Variants in PTPN18 observed in about 807,000 individuals in gnomAD.
PTPN18 encodes tyrosine-protein phosphatase non-receptor type 18.
Under a neutral mutation model 65.4 loss-of-function variants are expected in PTPN18, and 65 were observed. The ratio of observed to expected loss-of-function variants is 0.99; its 90% CI spans 0.81 to 1.22. The LOEUF (loss-of-function observed/expected upper bound fraction) is 1.22. PTPN18 is among the 50% of genes most tolerant of loss of function. PTPN18 has a pLI of 0.00. For synonymous variants in PTPN18, 255 were observed against 267.8 expected (o/e 0.95, Z 0.47); for missense variants, 616 against 646.5 (o/e 0.95, Z 0.51).
intron 5 of PTPN18, among the ~76,000 whole-genome samples, chr2:130,365,844 G>A (rs961739507): frequency 6.6e-6 from 1 of 152,170 alleles, no homozygotes; most frequent in African/African-American, 2.4e-5. Context: ...CCATTGAACC[G>A]TCTTGGCCCC....
At chr2:130,370,314 C>A in intron 8 of PTPN18, 124 bp downstream of exon 8, 1 of 1,410,666 alleles carries the variant, frequency 7.1e-7, no homozygotes, top group South Asian at 1.3e-5. Context: ...GCTCACCCTC[C>A]ATGGACTGTA....
In PTPN18 at chr2:130,372,239, G is replaced by A; in HGVS notation, c.1014-18G>A. The stretch of plus-strand genomic sequence containing the variant: ...CAGCGCCGCCGTTTCACTTCCTCCC[G>A]GCCCTCCCTGCCTGCAGGAGCATCT... On this transcript the variant is annotated intron_variant, in intron 12 of 14. Transcript: ENST00000175756. 1.3e-6 allele frequency: 2 copies of A among 1,566,370 alleles called. No homozygotes were observed. Among genetic ancestry groups the A allele is most frequent in the Non-Finnish European group, 1.7e-6 (2 of 1,164,612 alleles).
intron 5 of PTPN18, among the ~76,000 whole-genome samples, chr2:130,363,019 C>G (rs1488156821): frequency 6.6e-6 from 1 of 151,336 alleles, no homozygotes; most frequent in Non-Finnish European, 1.5e-5. Flanking sequence ...CGGGGTTTCA[C>G]CGTGTTAGCC....
chr2:130,371,333 C>G lies in PTPN18; in HGVS notation c.1013+46C>G, dbSNP rs200975921. The G allele has an allele frequency of 4.8e-6, 7 of 1,452,162 alleles. No individual in the cohort carries two copies. The East Asian group carries it at 1.1e-4, about 24-fold the overall frequency. The allele number at this position is 1,452,162 out of a possible 1,614,324, so 90.0% of individuals were successfully genotyped here. On this transcript the variant is annotated intron_variant, in intron 12 of 14. Transcript: ENST00000175756. The stretch of plus-strand genomic sequence containing the variant: ...ATTCTTCCCTGCCCAATTTCTCAGG[C>G]TAACCCCTTCTTCATCCTTGGAACA...
intron 1 of PTPN18, chr2:130,356,734 G>A (rs1679985304): frequency 2.3e-6 from 1 of 430,988 alleles, no homozygotes; most frequent in African/African-American, 2.0e-5. Flanking sequence ...CCATCCGCGT[G>A]TGGTCCAGGC....
In PTPN18 at chr2:130,370,901, G is replaced by T; in HGVS notation, c.861G>T (p.Thr287=). The T allele has an allele frequency of 6.2e-7, 1 of 1,614,024 alleles. No homozygotes were observed. The highest frequency in any genetic ancestry group is 8.5e-7 in the Non-Finnish European group (1 of 1,180,004). The change falls in exon 11 of 15, where the codon ACG becomes ACT. Residue 287 remains threonine, a synonymous_variant. Coordinates refer to ENST00000175756, the MANE Select transcript of PTPN18 (RefSeq NM_014369.4). ...TEEQYRFLYH[T]VAQMFCSTLQ... Reference sequence around the variant, plus strand: ...AGCAGTACAGGTTCCTGTACCACACGGTGGCTCAGATGTTCTGCTCCACAC... The same window carrying T: ...AGCAGTACAGGTTCCTGTACCACACTGTGGCTCAGATGTTCTGCTCCACAC...
chr2:130,359,579 C>T (rs1435497376), intron 4 of PTPN18, 29 bp from the exon 5 acceptor site: 2 of 1,613,816 alleles, frequency 1.2e-6, no homozygotes, highest in Admixed American at 3.3e-5. Flanking sequence ...CCCAAATCAC[C>T]TTCCTCTCCC....
intron 5 of PTPN18, among the ~76,000 whole-genome samples, chr2:130,361,532 T>TTCTTTCTTTC (rs1680202031): frequency 7.0e-6 from 1 of 143,260 alleles, no homozygotes; most frequent in African/African-American, 2.7e-5. Context: ...CTTTCTTTCT[T>TTCTTTCTTTC]TCTTTCTTTC....
At chr2:130,358,704 C>T (rs1002645128) in intron 1 of PTPN18, among the ~76,000 whole-genome samples, 163 bp from the exon 2 acceptor site, 5 of 152,126 alleles carry the variant, frequency 3.3e-5, no homozygotes, top group Non-Finnish European at 4.4e-5. Flanking sequence ...GTCACTATTT[C>T]GGTATCATTA....
At position 130,369,222 on chromosome 2, in the gene PTPN18, AGGAAGATTCCCAGGGT is replaced by A. The variant is rs767983214; in HGVS notation, c.483+26_483+41del. Reference sequence around the variant, plus strand: ...CTCTGGTGAGCTGTGGGAGTTTTCAAGGAAGATTCCCAGGGTGGAAAGGCTTTGGGTTGGGCCTAAA... The same window carrying A: ...CTCTGGTGAGCTGTGGGAGTTTTCAAGGAAAGGCTTTGGGTTGGGCCTAAA... On this transcript the variant is annotated intron_variant, in intron 6 of 14. Coordinates refer to ENST00000175756, the MANE Select transcript of PTPN18 (RefSeq NM_014369.4). 110 of 1,602,634 alleles carry A rather than the reference AGGAAGATTCCCAGGGT, an allele frequency of 6.9e-5. 1 individual carries two copies. Among genetic ancestry groups the A allele is most frequent in the Non-Finnish European group, 1.2e-5 (14 of 1,170,200 alleles).
rs1680479841 is a variant in PTPN18, at chr2:130,369,378, A to G, written c.483+177A>G. Among the ~76,000 whole-genome samples the G allele has an allele frequency of 2.6e-5, 4 of 152,222 alleles. No individual in the cohort carries two copies. The South Asian group carries it at 6.2e-4, about 24-fold the overall frequency. On this transcript the variant is annotated intron_variant, in intron 6 of 14. Transcript: ENST00000175756. ...GCCTTTGCATTTTTATTTTGGCTAC[A>G]ATCAGTTAATCTCTGTCATGTAAAT...
intron 13 of PTPN18, 161 bp downstream of exon 13, chr2:130,372,644 G>T: frequency 9.3e-7 from 1 of 1,075,024 alleles, no homozygotes; most frequent in South Asian, 1.7e-5. Flanking sequence ...GCCACGCCCC[G>T]GAAGCGCCCC....
Position 130,358,851 on chromosome 2 carries a change from C to T in PTPN18, c.94-16C>T, listed in dbSNP as rs754669176. On this transcript the variant is annotated splice_polypyrimidine_tract_variant and intron_variant, in intron 1 of 14. Transcript: ENST00000175756. Reference sequence around the variant, plus strand: ...TGTCTTCTCCCCTCCCTGACCCACTCATAATGCTCTACCAGGACATCCAGG... The same window carrying T: ...TGTCTTCTCCCCTCCCTGACCCACTTATAATGCTCTACCAGGACATCCAGG... 9 of 1,601,920 alleles carry T rather than the reference C, an allele frequency of 5.6e-6. No individual in the cohort carries two copies. Among genetic ancestry groups the T allele is most frequent in the South Asian group, 1.1e-5 (1 of 90,588 alleles).
At chr2:130,362,169 C>T (rs917754101) in intron 5 of PTPN18, 11 of 470,052 alleles carry the variant, frequency 2.3e-5, no homozygotes, top group Non-Finnish European at 4.0e-5. Flanking sequence ...TTAAGTCTCA[C>T]GTATAATCCA....
At chr2:130,358,566 C>T (rs1275604740) in intron 1 of PTPN18, among the ~76,000 whole-genome samples, 1 of 152,114 alleles carries the variant, frequency 6.6e-6, no homozygotes, top group Non-Finnish European at 1.5e-5. Context: ...CCACAAGTCG[C>T]TGAACCACGT....
chr2:130,372,291 A>G lies in PTPN18; in HGVS notation c.1048A>G (p.Met350Val). ...ISVPGSPGHAMADTYAVVQKR... is the reference protein window; with the variant it reads ...ISVPGSPGHAVADTYAVVQKR... ...TGTGCCCGGGTCCCCGGGCCACGCC[A>G]TGGCTGACACCTACGCGGTGGTGCA... Residue 350 changes from methionine (M) to valine (V), a missense_variant, in exon 13 of 15, where the codon ATG (methionine) becomes GTG (valine). Physicochemically the swap from Met to Val is conservative, Grantham distance 21 (BLOSUM62 1). This residue lies in a region of PTPN18 where 368 missense variants were observed against 386.7 expected (regional missense o/e 0.95). Coordinates refer to ENST00000175756, the MANE Select transcript of PTPN18 (RefSeq NM_014369.4). The G allele has an allele frequency of 1.3e-6, 2 of 1,560,276 alleles. No individual in the cohort carries two copies. Among genetic ancestry groups the G allele is most frequent in the South Asian group, 1.1e-5 (1 of 87,424 alleles).
At position 130,372,333 on chromosome 2, in the gene PTPN18, G is replaced by C; in HGVS notation, c.1090G>C (p.Ala364Pro). The change falls in exon 13 of 15, where the codon GCG becomes CCG. Residue 364 changes from alanine (A) to proline (P), a missense_variant. By Grantham distance (27) the Ala-to-Pro change is conservative (BLOSUM62 -1). Transcript: ENST00000175756. ...GGTGGTGCAGAAGCGCGGGGCTCCAGCGGGCGCCGGGAGTGGGACGCAGAC... is the reference window on the plus strand; with the variant it reads ...GGTGGTGCAGAAGCGCGGGGCTCCACCGGGCGCCGGGAGTGGGACGCAGAC... ...YAVVQKRGAPAGAGSGTQTGT... is the reference protein window; with the variant it reads ...YAVVQKRGAPPGAGSGTQTGT... The C allele has an allele frequency of 7.0e-7, 1 of 1,429,222 alleles. No individual in the cohort carries two copies. The highest frequency in any genetic ancestry group is 9.1e-7 in the Non-Finnish European group (1 of 1,100,488). The allele number at this position is 1,429,222 out of a possible 1,614,324, so 88.5% of individuals were successfully genotyped here.
intron 12 of PTPN18, among the ~76,000 whole-genome samples, chr2:130,371,535 AC>A (rs1188623855): frequency 1.3e-5 from 2 of 152,106 alleles, no homozygotes; most frequent in Admixed American, 1.3e-4. Context: ...CTCTAATCAA[AC>A]CTTAATTCAG....
rs1355519558 is a variant in PTPN18, at chr2:130,370,154, A to G, written c.653A>G (p.Gln218Arg). 1.2e-6 allele frequency: 2 copies of G among 1,613,502 alleles called. No homozygotes were observed. Among genetic ancestry groups the G allele is most frequent in the African/African-American group, 2.7e-5 (2 of 74,922 alleles). The stretch of plus-strand genomic sequence containing the variant: ...ATGGTGGAGGAAGCCCGTCGCCTCC[A>G]GGGATCTGGCCCTGAACCCCTCTGT... ...LAMVEEARRLQGSGPEPLCVH... is the reference protein window; with the variant it reads ...LAMVEEARRLRGSGPEPLCVH... The change falls in exon 8 of 15, where the codon CAG (glutamine) becomes CGG (arginine). Residue 218 changes from glutamine (Q) to arginine (R), a missense_variant. Coordinates refer to ENST00000175756, the MANE Select transcript of PTPN18 (RefSeq NM_014369.4).
Sources: allele counts gnomAD v4.1 joint callset (sites outside exome capture counted in the v4.1 genomes callset), GRCh38; gene constraint gnomAD v4.1.1; regional missense constraint gnomAD v4.1.1; transcripts MANE v1.5; gene names NCBI Gene and HGNC (gene_info 2026-07-23, HGNC 2026-07-21).